Variants in NAALADL2 observed in about 807,000 individuals in gnomAD.
NAALADL2 encodes the protein N-acetylated alpha-linked acidic dipeptidase like 2.
A neutral mutation model predicts 87.2 loss-of-function variants in NAALADL2; 76 were observed. The ratio of observed to expected loss-of-function variants is 0.87; its 90% CI spans 0.72 to 1.05. NAALADL2 has a LOEUF of 1.05. NAALADL2 is among the 50% of genes least tolerant of loss of function. The probability of loss-of-function intolerance (pLI) is 0.00; values close to 1 mark genes in which losing one functional copy is unlikely to be tolerated. For synonymous variants in NAALADL2, 354 were observed against 331.0 expected, an observed-to-expected ratio of 1.07 and a Z score of -0.75; for missense variants, 1,089 against 945.8, an observed-to-expected ratio of 1.15 and a Z score of -1.99.
intron 11 of NAALADL2, among the ~76,000 whole-genome samples, chr3:175,695,496 C>T (rs930359118): frequency 1.3e-5 from 2 of 152,080 alleles, no homozygotes; most frequent in Admixed American, 6.6e-5. Context: ...TTTAAAAGAA[C>T]ACTTGCTGGA....
intron 13 of NAALADL2, among the ~76,000 whole-genome samples, chr3:175,789,212 ATACT>A (rs1560017245): frequency 6.6e-6 from 1 of 152,166 alleles, no homozygotes; most frequent in Non-Finnish European, 1.5e-5. Flanking sequence ...TGCCTAATAA[ATACT>A]TGATGAATGA....
intron 1 of NAALADL2, among the ~76,000 whole-genome samples, chr3:175,030,335 A>T (rs1302827155): frequency 1.3e-5 from 2 of 152,042 alleles, no homozygotes; most frequent in Admixed American, 1.3e-4. Flanking sequence ...GAGTTTTGTT[A>T]CTTTTCTGAA....
intron 1 of NAALADL2, among the ~76,000 whole-genome samples, chr3:174,491,706 A>C (rs912535960): frequency 6.6e-6 from 1 of 152,154 alleles, no homozygotes; most frequent in African/African-American, 2.4e-5. Flanking sequence ...AAATTTTCCT[A>C]ACATATCATA....
intron 2 of NAALADL2, among the ~76,000 whole-genome samples, chr3:175,135,234 A>G (rs559493713): frequency 7.9e-5 from 12 of 152,330 alleles, no homozygotes; most frequent in Admixed American, 3.3e-4. Context: ...AATGTGAAGA[A>G]TTCTAATAGA....
At chr3:175,678,683 T>C (rs1358818635) in intron 11 of NAALADL2, among the ~76,000 whole-genome samples, 1 of 151,968 alleles carries the variant, frequency 6.6e-6, no homozygotes, top group Non-Finnish European at 1.5e-5. Flanking sequence ...ATGAGAACAC[T>C]TGGACACAGG....
intron 1 of NAALADL2, among the ~76,000 whole-genome samples, chr3:175,078,637 G>A (rs1717114998): frequency 6.6e-6 from 1 of 152,064 alleles, no homozygotes; most frequent in Non-Finnish European, 1.5e-5. Flanking sequence ...TAATCTTTCT[G>A]TCTCTATATC....
intron 5 of NAALADL2, among the ~76,000 whole-genome samples, chr3:175,342,856 G>A (rs1248179160): frequency 2.6e-5 from 4 of 152,026 alleles, no homozygotes; most frequent in African/African-American, 9.7e-5. Flanking sequence ...CCCAGGGTGA[G>A]GGAAGCTGTG....
chr3:175,350,178 T>C (rs938204932), intron 5 of NAALADL2, among the ~76,000 whole-genome samples: 2 of 152,188 alleles, frequency 1.3e-5, no homozygotes, highest in African/African-American at 4.8e-5. Flanking sequence ...CTTTTCCTTT[T>C]GGTTTTGATA....
chr3:175,000,074 A>C (rs766552014), intron 1 of NAALADL2, among the ~76,000 whole-genome samples: 2 of 152,178 alleles, frequency 1.3e-5, no homozygotes, highest in Non-Finnish European at 2.9e-5. Flanking sequence ...TCTGCCTTAA[A>C]TCTAAAATAT....
chr3:174,609,097 T>G (rs911086797), intron 2 of NAALADL2, among the ~76,000 whole-genome samples: 6 of 151,934 alleles, frequency 3.9e-5, no homozygotes, highest in African/African-American at 7.2e-5. Context: ...GAAAAGGCCT[T>G]TGACAAAATT....
intron 1 of NAALADL2, among the ~76,000 whole-genome samples, chr3:174,896,516 G>A (rs1326491271): frequency 2.6e-5 from 4 of 152,004 alleles, no homozygotes; most frequent in Admixed American, 6.6e-5. Context: ...GGAAATAGAA[G>A]AGGACACCAC....
At chr3:175,267,880 C>T (rs1022994066) in intron 4 of NAALADL2, among the ~76,000 whole-genome samples, 1 of 152,096 alleles carries the variant, frequency 6.6e-6, no homozygotes, top group Non-Finnish European at 1.5e-5. Flanking sequence ...TTTAAACATT[C>T]TAAGACTTCA....
intron 2 of NAALADL2, among the ~76,000 whole-genome samples, chr3:174,600,513 C>T (rs1182334503): frequency 6.6e-6 from 1 of 151,938 alleles, no homozygotes; most frequent in Non-Finnish European, 1.5e-5. Flanking sequence ...TAAGATTTGT[C>T]TTTGAAGAGT....
intron 4 of NAALADL2, among the ~76,000 whole-genome samples, chr3:175,323,682 A>C (rs888337261): frequency 6.6e-6 from 1 of 151,576 alleles, no homozygotes; most frequent in Non-Finnish European, 1.5e-5. Flanking sequence ...GGCCAGTAGA[A>C]AAAGCTTCTG....
At chr3:174,992,324 T>A (rs1203736949) in intron 1 of NAALADL2, among the ~76,000 whole-genome samples, 1 of 152,116 alleles carries the variant, frequency 6.6e-6, no homozygotes, top group South Asian at 2.1e-4. Flanking sequence ...AGATCATTGT[T>A]GATTTGAAGC....
chr3:175,314,824 T>C lies in NAALADL2; in HGVS notation c.940-9351T>C, dbSNP rs191163648. On this transcript the variant is annotated intron_variant, in intron 4 of 13. Coordinates refer to ENST00000454872, the MANE Select transcript of NAALADL2 (RefSeq NM_207015.3). ...ATCCATGTAATACACTTGTACCATA[T>C]ACAGTATGTTTTTCATTCATTCATT... Among the ~76,000 whole-genome samples the C allele has an allele frequency of 3.6e-3, 536 of 149,282 alleles. 6 individuals carry two copies. Among genetic ancestry groups the C allele is most frequent in the Non-Finnish European group, 6.4e-3 (432 of 67,382 alleles).
chr3:175,214,843 G>C (rs1580962486), intron 2 of NAALADL2, among the ~76,000 whole-genome samples: 1 of 152,112 alleles, frequency 6.6e-6, no homozygotes, highest in East Asian at 1.9e-4. Flanking sequence ...CAATCCAGCA[G>C]TACAGACATT....
intron 11 of NAALADL2, among the ~76,000 whole-genome samples, chr3:175,654,310 ATGATTTTCT>A (rs1731166856): frequency 6.6e-6 from 1 of 152,084 alleles, no homozygotes; most frequent in Non-Finnish European, 1.5e-5. Flanking sequence ...TTTCTTCTCA[ATGATTTTCT>A]TGATTTTCTT....
At chr3:174,755,531 C>T (rs367824219) in intron 3 of NAALADL2, among the ~76,000 whole-genome samples, 8 of 152,204 alleles carry the variant, frequency 5.3e-5, no homozygotes, top group African/African-American at 1.4e-4. Flanking sequence ...AAATTTCGAG[C>T]CACCTCTCCT....
Sources: allele counts gnomAD v4.1 joint callset (sites outside exome capture counted in the v4.1 genomes callset), GRCh38; gene constraint gnomAD v4.1.1; transcripts MANE v1.5; gene names NCBI Gene and HGNC (gene_info 2026-07-23, HGNC 2026-07-21).